Variants in SPATA6L observed in about 807,000 individuals in gnomAD.
The protein encoded by SPATA6L is spermatogenesis associated 6-like protein.
In SPATA6L, 68 loss-of-function variants were observed where a neutral mutation model predicts 49.2. The observed-to-expected ratio is 1.38, with a 90% CI of 1.14 to 1.69. SPATA6L has a LOEUF of 1.69. SPATA6L is among the 40% of genes most tolerant of loss of function. The pLI, the probability that SPATA6L is intolerant of heterozygous loss-of-function variation, is 0.00. For synonymous variants in SPATA6L, 198 were observed against 165.7 expected, an observed-to-expected ratio of 1.19 and a Z score of -1.50; for missense variants, 668 against 464.3, an observed-to-expected ratio of 1.44 and a Z score of -4.03.
At position 4,652,842 on chromosome 9, in the gene SPATA6L, A is replaced by C. The variant is rs368535597; in HGVS notation, c.226+3199T>G. On this transcript the variant is annotated intron_variant, in intron 3 of 11. Coordinates refer to ENST00000682582, the MANE Select transcript of SPATA6L (RefSeq NM_001353486.2). ...GGCAACAAGAGTGAAATTCCGTCCC[A>C]AAAAAAAAAAAAAAAAAGGAAAAAG... 7.0e-4 allele frequency among the ~76,000 whole-genome samples: 86 copies of C among 122,446 alleles called. 1 individual carries two copies. The East Asian group carries it at 7.8e-3, about 11-fold the overall frequency. The allele number at this position is 122,446 out of a possible 152,430, so 80.3% of individuals were successfully genotyped here.
intron 2 of SPATA6L, among the ~76,000 whole-genome samples, chr9:4,658,721 A>T (rs1013453712): frequency 3.3e-5 from 5 of 152,188 alleles, no homozygotes; most frequent in African/African-American, 1.2e-4. Flanking sequence ...GGCCAGATGC[A>T]GTGGCTCATG....
intron 6 of SPATA6L, 170 bp downstream of exon 6, chr9:4,625,157 C>G: frequency 7.8e-7 from 1 of 1,278,640 alleles, no homozygotes; most frequent in East Asian, 2.7e-5. Context: ...TAGGGGTTTC[C>G]TGACAACGAT....
intron 9 of SPATA6L, among the ~76,000 whole-genome samples, chr9:4,611,398 C>G (rs975794778): frequency 1.3e-5 from 2 of 148,852 alleles, no homozygotes; most frequent in East Asian, 3.9e-4. Flanking sequence ...GGAACCAACC[C>G]AAATGTCCAA....
chr9:4,659,569 G>C (rs1479678387), intron 2 of SPATA6L, among the ~76,000 whole-genome samples: 1 of 152,148 alleles, frequency 6.6e-6, no homozygotes, highest in Non-Finnish European at 1.5e-5. Flanking sequence ...CTCATGGATA[G>C]GAATAATCAA....
At position 4,662,409 on chromosome 9, in the gene SPATA6L, C is replaced by T. The variant is rs1416065243; in HGVS notation, c.40-373G>A. On this transcript the variant is annotated intron_variant, in intron 1 of 11. Transcript: ENST00000682582. This position sits in a 1 kb window ranked among gnomAD's most constrained non-coding sequence, Gnocchi z 4.9. ...TCCCCGGAGGAGCATGGAGGGACGGCCGCTGGGCGTCTCCGCTTCGAGCAG... is the reference window on the plus strand; with the variant it reads ...TCCCCGGAGGAGCATGGAGGGACGGTCGCTGGGCGTCTCCGCTTCGAGCAG... 7 of 1,536,124 alleles carry T rather than the reference C, an allele frequency of 4.6e-6. No individual in the cohort carries two copies. In the East Asian group the frequency reaches 1.7e-4, roughly 37 times the overall value.
intron 5 of SPATA6L, chr9:4,628,062 T>C (rs111839725): frequency 0.01 from 3,377 of 335,200 alleles, 116 homozygotes; most frequent in African/African-American, 0.071. Context: ...ACAATTGAAC[T>C]CATGGAGACA....
chr9:4,589,752 G>A (rs902355211), intron 13 of SPATA6L, among the ~76,000 whole-genome samples: 1 of 152,102 alleles, frequency 6.6e-6, no homozygotes, highest in African/African-American at 2.4e-5. Flanking sequence ...TATAAATCTT[G>A]TGTGACTCTT....
At chr9:4,590,179 C>T (rs374526903) in intron 13 of SPATA6L, among the ~76,000 whole-genome samples, 4 of 152,248 alleles carry the variant, frequency 2.6e-5, no homozygotes, top group East Asian at 3.9e-4. Context: ...CTGCCTTGGC[C>T]GCCCAAAGTG....
downstream of SPATA6L, among the ~76,000 whole-genome samples, chr9:4,593,398 A>C (rs1211727981): frequency 6.6e-6 from 1 of 152,100 alleles, no homozygotes; most frequent in African/African-American, 2.4e-5. Context: ...ATATCATTGT[A>C]TCCCTCCCTT....
chr9:4,623,241 T>C (rs1829741530), intron 6 of SPATA6L, among the ~76,000 whole-genome samples: 1 of 152,096 alleles, frequency 6.6e-6, no homozygotes, highest in Non-Finnish European at 1.5e-5. Flanking sequence ...GATCATGCCA[T>C]TGTACTCCAG....
chr9:4,618,173 G>C, intron 8 of SPATA6L, 63 bp from the exon 9 acceptor site: 1 of 1,452,638 alleles, frequency 6.9e-7, no homozygotes, highest in Non-Finnish European at 9.5e-7. Flanking sequence ...TTAGAGCTGG[G>C]GGTGGGGGTT....
At chr9:4,649,823 G>T (rs1219997578) in intron 3 of SPATA6L, among the ~76,000 whole-genome samples, 1 of 152,140 alleles carries the variant, frequency 6.6e-6, no homozygotes, top group Non-Finnish European at 1.5e-5. Context: ...ACCTCCCAGG[G>T]TTAATATTGG....
intron 3 of SPATA6L, among the ~76,000 whole-genome samples, chr9:4,640,627 T>A (rs896049442): frequency 3.9e-5 from 6 of 152,134 alleles, no homozygotes; most frequent in African/African-American, 1.4e-4. Context: ...TCACTGCCAC[T>A]ACTACGTGCC....
intron 3 of SPATA6L, among the ~76,000 whole-genome samples, chr9:4,637,891 GGAGA>G (rs1455560571): frequency 5.9e-5 from 9 of 152,200 alleles, no homozygotes; most frequent in Non-Finnish European, 1.3e-4. Context: ...GTTAAAAAAA[GGAGA>G]GAGACTAAAT....
At chr9:4,622,038 G>GC (rs918290019) in intron 7 of SPATA6L, among the ~76,000 whole-genome samples, 1 of 152,146 alleles carries the variant, frequency 6.6e-6, no homozygotes, top group African/African-American at 2.4e-5. Flanking sequence ...TCAATCTCCT[G>GC]TTTTTTGCCA....
intron 3 of SPATA6L, chr9:4,646,600 A>T: frequency 1.1e-6 from 1 of 887,896 alleles, no homozygotes; most frequent in Non-Finnish European, 1.7e-6. Flanking sequence ...TTAAGTTTTA[A>T]ACTGTCATAA....
At chr9:4,655,231 G>A (rs1044315661) in intron 3 of SPATA6L, among the ~76,000 whole-genome samples, 1 of 152,126 alleles carries the variant, frequency 6.6e-6, no homozygotes, top group Admixed American at 6.6e-5. Flanking sequence ...ATTAAGTTCT[G>A]GCACATGCTA....
intron 3 of SPATA6L, among the ~76,000 whole-genome samples, chr9:4,644,613 T>C (rs1442376054): frequency 4.6e-5 from 7 of 151,802 alleles, no homozygotes; most frequent in Admixed American, 1.3e-4. Context: ...AAAGCAGAAA[T>C]GCGTAATAGC....
At chr9:4,636,235 G>A (rs556998894) in intron 3 of SPATA6L, among the ~76,000 whole-genome samples, 1 of 151,962 alleles carries the variant, frequency 6.6e-6, no homozygotes, top group South Asian at 2.1e-4. Context: ...TGGAAATCAT[G>A]TCCCATCTAA....
Sources: gnomAD v4.1 joint callset for allele counts (sites outside exome capture counted in the v4.1 genomes callset) on GRCh38, gnomAD v4.1.1 for gene constraint, Gnocchi (gnomAD v3.1) non-coding constraint, MANE v1.5 for transcripts, NCBI Gene and HGNC (gene_info 2026-07-23, HGNC 2026-07-21) for gene names.